Variants in COL11A1 observed in about 807,000 individuals in gnomAD.
COL11A1 encodes the protein collagen alpha-1(XI) chain.
In COL11A1, 74 loss-of-function variants were observed where a neutral mutation model predicts 265.2. The observed-to-expected ratio is 0.28, with a 90% confidence interval of 0.23 to 0.34. The LOEUF (loss-of-function observed/expected upper bound fraction) is 0.34. Ranked by LOEUF, COL11A1 falls within the 10% of genes least tolerant of loss-of-function variation. The pLI is 1.00. For missense variants in COL11A1, 2,165 were observed against 2,263.6 expected (o/e 0.96, Z 0.88); for synonymous variants, 816 against 727.6 (o/e 1.12, Z -1.96).
At chr1:102,977,388 A>G (rs1423364175) in intron 35 of COL11A1, among the ~76,000 whole-genome samples, 1 of 152,176 alleles carries the variant, frequency 6.6e-6, no homozygotes, top group Non-Finnish European at 1.5e-5. Context: ...CAACAAAACA[A>G]AACAAAAATT....
intron 4 of COL11A1, among the ~76,000 whole-genome samples, chr1:103,068,124 C>A (rs1463934180): frequency 3.3e-5 from 5 of 151,474 alleles, no homozygotes; most frequent in Non-Finnish European, 7.4e-5. Flanking sequence ...CAAAACCTGA[C>A]AAAGACATTA....
intron 4 of COL11A1, among the ~76,000 whole-genome samples, chr1:103,037,167 A>T (rs1465703779): frequency 6.7e-6 from 1 of 149,860 alleles, no homozygotes; most frequent in Non-Finnish European, 1.5e-5. Context: ...TAAAGTCTAT[A>T]TAAGGCATAG....
intron 37 of COL11A1, among the ~76,000 whole-genome samples, chr1:102,965,990 AAT>A (rs1661367678): frequency 6.6e-6 from 1 of 152,204 alleles, no homozygotes; most frequent in Admixed American, 6.5e-5. Context: ...AAGATATAAA[AAT>A]AGATCTACTA....
In COL11A1 at chr1:103,074,632, C is replaced by T; in HGVS notation, c.637G>A (p.Glu213Lys). Reference sequence around the variant, plus strand: ...TTTATTTTTACCTCAAAAACTTCTTCATCCAAAATCCTTGTTCCAAAAACC... The same window carrying T: ...TTTATTTTTACCTCAAAAACTTCTTTATCCAAAATCCTTGTTCCAAAAACC... Reference protein sequence around the residue: ...ITVFGTRILDEEVFEGDIQQF... With the variant: ...ITVFGTRILDKEVFEGDIQQF... Residue 213 changes from glutamate (E) to lysine (K), a missense_variant, in exon 4 of 67, where the codon GAA becomes AAA. Physicochemically the swap from Glu to Lys is moderately conservative, Grantham distance 56. Transcript: ENST00000370096. 1 of 1,613,114 alleles carries T rather than the reference C, an allele frequency of 6.2e-7. No individual in the cohort carries two copies. Among genetic ancestry groups the T allele is most frequent in the Non-Finnish European group, 8.5e-7 (1 of 1,179,474 alleles).
At chr1:102,897,136 GGTAGGTATGCTTTGCATACCAAAGAT>G (rs1281297449) in intron 57 of COL11A1, among the ~76,000 whole-genome samples, 1 of 151,752 alleles carries the variant, frequency 6.6e-6, no homozygotes, top group Non-Finnish European at 1.5e-5. Context: ...TGAAATATTT[GGTAGGTATGCTTTGCATACCAAAGAT>G]GCTGTGGCAT....
At chr1:103,003,125 C>G in intron 21 of COL11A1, 90 bp downstream of exon 21, 3 of 1,314,774 alleles carry the variant, frequency 2.3e-6, no homozygotes, top group Non-Finnish European at 3.3e-6. Context: ...GCAATAAACT[C>G]TTGGCTCTCT....
chr1:103,006,388 T>C, intron 15 of COL11A1, 73 bp from the exon 16 acceptor site: 5 of 1,180,088 alleles, frequency 4.2e-6, no homozygotes, highest in Non-Finnish European at 6.0e-6. Context: ...TCAAGAGAGA[T>C]GGTTTCAGAA....
intron 54 of COL11A1, among the ~76,000 whole-genome samples, chr1:102,906,941 A>C (rs1186184821): frequency 6.6e-6 from 1 of 152,156 alleles, no homozygotes; most frequent in Non-Finnish European, 1.5e-5. Context: ...AAAATAGATT[A>C]TTATGTAAAA....
intron 66 of COL11A1, among the ~76,000 whole-genome samples, chr1:102,879,426 A>C (rs1055135891): frequency 6.6e-6 from 1 of 152,146 alleles, no homozygotes; most frequent in Non-Finnish European, 1.5e-5. Flanking sequence ...TTCAAATGTC[A>C]GAATAAAATA....
intron 66 of COL11A1, 74 bp downstream of exon 66, chr1:102,879,609 G>T (rs1434828315): frequency 3.0e-6 from 4 of 1,337,188 alleles, no homozygotes; most frequent in African/African-American, 1.4e-5. Context: ...GAAAAATCTG[G>T]CTAAGGACCG....
chr1:103,094,611 A>G (rs9970114), intron 1 of COL11A1, among the ~76,000 whole-genome samples: 74,944 of 151,752 alleles, frequency 0.49, 21,718 homozygotes, highest in East Asian at 0.92. Flanking sequence ...CCTCCTCAAC[A>G]TGAAGATGAT....
intron 1 of COL11A1, among the ~76,000 whole-genome samples, chr1:103,093,560 T>C (rs1356453819): frequency 6.6e-6 from 1 of 152,140 alleles, no homozygotes; most frequent in Non-Finnish European, 1.5e-5. Flanking sequence ...GAGGAAGGCA[T>C]CCCTTATCTA....
intron 41 of COL11A1, among the ~76,000 whole-genome samples, chr1:102,947,602 T>C (rs576392286): frequency 5.9e-5 from 9 of 152,176 alleles, no homozygotes; most frequent in Non-Finnish European, 1.3e-4. Flanking sequence ...CTGATTAGGT[T>C]TTTTAATTTT....
chr1:102,959,050 T>TC (rs1420814187), intron 41 of COL11A1, among the ~76,000 whole-genome samples: 38 of 152,328 alleles, frequency 2.5e-4, no homozygotes, highest in African/African-American at 9.1e-4. Context: ...GATTCCACGT[T>TC]GCCCAAGTCA....
chr1:102,945,995 C>T (rs563068637), intron 42 of COL11A1, among the ~76,000 whole-genome samples: 1 of 141,924 alleles, frequency 7.0e-6, no homozygotes, highest in African/African-American at 2.6e-5. Flanking sequence ...TACTATGCAG[C>T]CATAAAAAAT....
chr1:103,018,004 A>C, intron 10 of COL11A1, 122 bp from the exon 11 acceptor site: 3 of 853,904 alleles, frequency 3.5e-6, no homozygotes. Context: ...AGTTCTAAAC[A>C]GTTGCCCTAT....
chr1:102,959,151 T>C (rs1335381962), intron 41 of COL11A1, among the ~76,000 whole-genome samples: 2 of 152,242 alleles, frequency 1.3e-5, no homozygotes, highest in Non-Finnish European at 2.9e-5. Flanking sequence ...ATGACAGATT[T>C]GTTTTCTTAA....
Position 102,995,990 on chromosome 1 carries a change from T to C in COL11A1, c.2294A>G (p.Lys765Arg). Residue 765 changes from lysine (K) to arginine (R), a missense_variant and splice_region_variant, in exon 27 of 67, where the codon AAG (lysine) becomes AGG (arginine). Coordinates refer to ENST00000370096, the MANE Select transcript of COL11A1 (RefSeq NM_001854.4). ...PIGYPGPRGV[K>R]GADGVRGLKG... Reference sequence around the variant, plus strand: ...AATGTGAAAACAATTTAACGTTACCTTTACTCCCCGGGGGCCCGGGTATCC... The same window carrying C: ...AATGTGAAAACAATTTAACGTTACCCTTACTCCCCGGGGGCCCGGGTATCC... 2 of 1,613,338 alleles carry C rather than the reference T, an allele frequency of 1.2e-6. No homozygotes were observed. The highest frequency in any genetic ancestry group is 1.7e-6 in the Non-Finnish European group (2 of 1,179,586).
intron 28 of COL11A1, among the ~76,000 whole-genome samples, chr1:102,993,321 T>A (rs1049307957): frequency 7.2e-5 from 11 of 152,074 alleles, no homozygotes. Context: ...TCTCTTGGTA[T>A]CTAGGGGTGA....
Sources: gnomAD v4.1 joint callset for allele counts (sites outside exome capture counted in the v4.1 genomes callset) on GRCh38, gnomAD v4.1.1 for gene constraint, MANE v1.5 for transcripts, NCBI Gene and HGNC (gene_info 2026-07-23, HGNC 2026-07-21) for gene names.